TRANK1: variants seen among roughly 807,000 people sequenced by gnomAD.
TRANK1 encodes TPR and ankyrin repeat-containing protein 1.
TRANK1 carries 198 observed loss-of-function variants against 266.0 expected under a neutral mutation model. That is an observed-to-expected ratio of 0.74 (90% confidence interval 0.66 to 0.84). The LOEUF is 0.84. Ranked by LOEUF, TRANK1 falls within the 40% of genes least tolerant of loss-of-function variation. The pLI is 0.00. For synonymous variants in TRANK1, 1,396 were observed against 1,384.1 expected, an observed-to-expected ratio of 1.01 and a Z score of -0.19; for missense variants, 3,326 against 3,634.6, an observed-to-expected ratio of 0.92 and a Z score of 2.18.
chr3:36,895,443 T>C (rs550358349), intron 5 of TRANK1, among the ~76,000 whole-genome samples, 197 bp downstream of exon 5: 1 of 152,378 alleles, frequency 6.6e-6, no homozygotes, highest in African/African-American at 2.4e-5. Context: ...TAAGCGTTTT[T>C]CCCATTTTTA....
chr3:36,842,293 A>G (rs2078854920), intron 18 of TRANK1, among the ~76,000 whole-genome samples: 1 of 152,272 alleles, frequency 6.6e-6, no homozygotes, highest in Non-Finnish European at 1.5e-5. Context: ...ATGCAGTATG[A>G]TGATAGCAAA....
rs117520297 is a variant in TRANK1 at position 36,852,057 on chromosome 3, T to C, written c.4749+89A>G. On this transcript the variant is annotated intron_variant, in intron 14 of 23. Transcript: ENST00000645898. ...ACTGTGGGACAGGGACTATTTTTAA[T>C]GCTACTTTGTGGTATAATTTAGCTT... 4.0e-5 allele frequency: 57 copies of C among 1,413,258 alleles called. No individual in the cohort carries two copies. In the East Asian group the frequency reaches 1.2e-3, roughly 29 times the overall value. 87.5% of individuals were successfully genotyped at this position (1,413,258 alleles called of 1,614,324 possible). A position where few individuals can be genotyped will look rare whatever the true frequency, so the allele number is the denominator to read the frequency against.
intron 15 of TRANK1, chr3:36,849,973 G>C (rs927391105): frequency 1.6e-5 from 16 of 973,568 alleles, no homozygotes; most frequent in Non-Finnish European, 1.8e-5. Flanking sequence ...GGGAGCACCG[G>C]GTCAAGATAC....
intron 9 of TRANK1, among the ~76,000 whole-genome samples, chr3:36,870,739 G>A (rs1218194919): frequency 6.6e-6 from 1 of 152,100 alleles, no homozygotes; most frequent in Non-Finnish European, 1.5e-5. Flanking sequence ...ACGATGCACA[G>A]TCCTCTCATG....
chr3:36,890,757 C>T (rs544744131), intron 7 of TRANK1, among the ~76,000 whole-genome samples: 9 of 152,316 alleles, frequency 5.9e-5, no homozygotes, highest in African/African-American at 1.2e-4. Context: ...AGGAAAGCCA[C>T]GCACCTCTGC....
intron 8 of TRANK1, among the ~76,000 whole-genome samples, chr3:36,883,305 G>T (rs895408418): frequency 1.1e-4 from 16 of 151,730 alleles, no homozygotes; most frequent in Admixed American, 5.3e-4. Flanking sequence ...AAAATAGTGG[G>T]GCATGGTAGC....
chr3:36,899,738 C>T (rs192219875), intron 3 of TRANK1, among the ~76,000 whole-genome samples: 4 of 152,196 alleles, frequency 2.6e-5, no homozygotes, highest in Middle Eastern at 3.2e-3. Flanking sequence ...TTGCTCCTGT[C>T]ATTTAACTGC....
At chr3:36,887,603 G>A (rs1248079091) in intron 8 of TRANK1, among the ~76,000 whole-genome samples, 1 of 152,102 alleles carries the variant, frequency 6.6e-6, no homozygotes, top group Non-Finnish European at 1.5e-5. Flanking sequence ...TGAGATTTGT[G>A]CACGGACCTT....
At position 36,832,951 on chromosome 3, in the gene TRANK1, C is replaced by T. The variant is rs2078717639; in HGVS notation, c.6632G>A (p.Arg2211Lys). ...CTTGGCTTCACAACGCCGCAGAGGC[C>T]TGTGAAAATGTTCACAGTTTTCATC... ...CEDENCEHFH[R>K]PLRRCEAKCL... The change falls in exon 22 of 24, where the codon AGG becomes AAG. Residue 2211 changes from arginine (R) to lysine (K), a missense_variant. Arg to Lys is a conservative substitution (Grantham distance 26, BLOSUM62 2). Transcript: ENST00000645898. 1 of 1,612,234 alleles carries T rather than the reference C, an allele frequency of 6.2e-7. No individual in the cohort carries two copies. Among genetic ancestry groups the T allele is most frequent in the East Asian group, 2.2e-5 (1 of 44,850 alleles).
chr3:36,831,422 G>A lies in TRANK1; in HGVS notation c.8161C>T (p.Arg2721Trp), dbSNP rs746496598. The change falls in exon 22 of 24, where the codon CGG (arginine) becomes TGG (tryptophan). Residue 2721 changes from arginine (R) to tryptophan (W), a missense_variant. By Grantham distance (101) the Arg-to-Trp change is moderately radical (BLOSUM62 -3). Coordinates refer to ENST00000645898, the MANE Select transcript of TRANK1 (RefSeq NM_001329998.2). The surrounding 1 kb of genome is among the most constrained non-coding windows in gnomAD (Gnocchi z 5.0). ...SQKQRKASIQ[R>W]KLRRACLVVS... ...ACCAGGCATGCCCTCCTCAACTTCC[G>A]CTGTATGGAGGCCTTCCGTTGCTTT... 3.0e-5 allele frequency: 49 copies of A among 1,612,670 alleles called. No individual in the cohort carries two copies. The highest frequency in any genetic ancestry group is 4.1e-5 in the Non-Finnish European group (48 of 1,179,410).
intron 1 of TRANK1, among the ~76,000 whole-genome samples, chr3:36,926,219 C>T (rs574844531): frequency 6.6e-6 from 1 of 152,260 alleles, no homozygotes; most frequent in Non-Finnish European, 1.5e-5. Context: ...CTAAACATGG[C>T]TCTGTTTTTA....
rs572524100 is a variant in TRANK1, at chr3:36,860,786, G to A, written c.1495+120C>T. The A allele has an allele frequency of 2.6e-5, 36 of 1,372,822 alleles. No homozygotes were observed. In the African/African-American group the frequency reaches 4.3e-4, roughly 17 times the overall value. 85.0% of individuals were successfully genotyped at this position (1,372,822 alleles called of 1,614,324 possible). Reference sequence around the variant, plus strand: ...TTTCAAAACAAGAATATACAGGGTAGGCAATGAGGGTGAACTTCATGGTGC... The same window carrying A: ...TTTCAAAACAAGAATATACAGGGTAAGCAATGAGGGTGAACTTCATGGTGC... On this transcript the variant is annotated intron_variant, in intron 11 of 23. Coordinates refer to ENST00000645898, the MANE Select transcript of TRANK1 (RefSeq NM_001329998.2).
chr3:36,904,158 G>C (rs1338489363), intron 2 of TRANK1, among the ~76,000 whole-genome samples: 2 of 151,808 alleles, frequency 1.3e-5, no homozygotes, highest in African/African-American at 2.4e-5. Context: ...GTTTCACCAT[G>C]TTGGCCAGGA....
intron 2 of TRANK1, among the ~76,000 whole-genome samples, chr3:36,904,263 G>A (rs530373559): frequency 2.0e-5 from 3 of 151,852 alleles, no homozygotes; most frequent in Non-Finnish European, 2.9e-5. Context: ...AGGCGCAGTG[G>A]CTCATGCCTG....
At chr3:36,833,997 G>A in intron 21 of TRANK1, 78 bp from the exon 22 acceptor site, 2 of 1,403,590 alleles carry the variant, frequency 1.4e-6, no homozygotes, top group South Asian at 3.0e-5. Flanking sequence ...ACAGTGCAGA[G>A]CAACTTAAAT....
chr3:36,879,794 A>ATAAATATATGTAAATATACAAATATATG (rs1575249280), intron 8 of TRANK1, among the ~76,000 whole-genome samples: 2 of 47,082 alleles, frequency 4.2e-5, no homozygotes, highest in Non-Finnish European at 7.5e-5. Flanking sequence ...ATGTAAATAT[A>ATAAATATATGTAAATATACAAATATATG]TAAATATACA....
chr3:36,912,499 T>G (rs2125636684), intron 1 of TRANK1, among the ~76,000 whole-genome samples: 1 of 152,332 alleles, frequency 6.6e-6, no homozygotes, highest in South Asian at 2.1e-4. Context: ...TTAAGGACAA[T>G]TGCACAGCTG....
rs2078914279 is a variant in TRANK1 at position 36,846,354 on chromosome 3, C to T, written c.5085G>A (p.Arg1695=). Residue 1695 remains arginine (R), a synonymous_variant, in exon 17 of 24, where the codon CGG becomes CGA. Coordinates refer to ENST00000645898, the MANE Select transcript of TRANK1 (RefSeq NM_001329998.2). ...KQLYTAITRA[R]VNLWIFDENR... is the part of the protein sequence containing the mutation. ...TTTCATCAAAGATCCAGAGGTTGAC[C>T]CGAGCCCGTGTGATGGCGGTGTACA... 6.2e-7 allele frequency: 1 copy of T among 1,613,634 alleles called. No individual in the cohort carries two copies. The highest frequency in any genetic ancestry group is 1.3e-5 in the African/African-American group (1 of 74,890).
upstream of TRANK1, among the ~76,000 whole-genome samples, chr3:36,945,325 G>C (rs934726060): frequency 6.6e-6 from 1 of 152,204 alleles, no homozygotes; most frequent in Non-Finnish European, 1.5e-5. Flanking sequence ...GGGAGGTAAA[G>C]AAAGTGATCG....
Sources: allele counts gnomAD v4.1 joint callset (sites outside exome capture counted in the v4.1 genomes callset), GRCh38; gene constraint gnomAD v4.1.1; non-coding constraint Gnocchi (gnomAD v3.1); transcripts MANE v1.5; gene names NCBI Gene and HGNC (gene_info 2026-07-23, HGNC 2026-07-21).